The following PLCL2 variants were observed in gnomAD, a reference collection of about 807,000 sequenced individuals.
The protein encoded by PLCL2 is inactive phospholipase C-like protein 2.
Under a neutral mutation model 79.6 loss-of-function variants are expected in PLCL2, and 4 were observed. The observed-to-expected ratio is 0.05, with a 90% CI of 0.02 to 0.11. The LOEUF is 0.11. PLCL2 is among the 10% of genes least tolerant of loss of function. PLCL2 has a pLI of 1.00. For missense variants in PLCL2, 895 were observed against 1,291.0 expected (o/e 0.69, Z 4.70); for synonymous variants, 484 against 457.7 (o/e 1.06, Z -0.73).
At chr3:16,916,363 C>T (rs534859074) in intron 1 of PLCL2, among the ~76,000 whole-genome samples, 1 of 152,182 alleles carries the variant, frequency 6.6e-6, no homozygotes, top group South Asian at 2.1e-4. Context: ...GTGAATTAGT[C>T]CCTGCATCTA....
intron 1 of PLCL2, among the ~76,000 whole-genome samples, chr3:16,996,344 C>T (rs76538807): frequency 0.033 from 5,057 of 152,060 alleles, 144 homozygotes; most frequent in Middle Eastern, 0.086. Context: ...GGACTCAGGG[C>T]CTTCCTACCC....
chr3:16,936,349 G>A (rs1160928736), intron 1 of PLCL2, among the ~76,000 whole-genome samples: 1 of 152,142 alleles, frequency 6.6e-6, no homozygotes, highest in Non-Finnish European at 1.5e-5. Flanking sequence ...TGGCTGTGTT[G>A]TCCACATTAG....
chr3:16,907,311 C>T (rs1696774077), intron 1 of PLCL2, among the ~76,000 whole-genome samples: 1 of 152,146 alleles, frequency 6.6e-6, no homozygotes, highest in African/African-American at 2.4e-5. Context: ...CTTGGGTAGG[C>T]TTATCACCTA....
intron 1 of PLCL2, among the ~76,000 whole-genome samples, chr3:16,924,784 T>C (rs1697206074): frequency 6.6e-6 from 1 of 152,194 alleles, no homozygotes; most frequent in South Asian, 2.1e-4. Context: ...TTGTTCAGTA[T>C]AAGTCAGTGA....
At chr3:17,037,130 T>A (rs1263273442) in intron 3 of PLCL2, among the ~76,000 whole-genome samples, 1 of 152,218 alleles carries the variant, frequency 6.6e-6, no homozygotes, top group African/African-American at 2.4e-5. Context: ...TCTGAAAACC[T>A]TATCCATGAT....
At chr3:16,979,813 C>T (rs1406688261) in intron 1 of PLCL2, among the ~76,000 whole-genome samples, 6 of 149,712 alleles carry the variant, frequency 4.0e-5, no homozygotes, top group Non-Finnish European at 8.9e-5. Context: ...TCCACAAAAC[C>T]GCCATTGTCA....
intron 1 of PLCL2, among the ~76,000 whole-genome samples, chr3:16,960,579 GT>G (rs5846947): frequency 0.58 from 88,353 of 151,896 alleles, 25,939 homozygotes; most frequent in African/African-American, 0.65. Context: ...TTTTAGTTAC[GT>G]TAAGTCCTTC....
intron 1 of PLCL2, among the ~76,000 whole-genome samples, chr3:16,999,125 T>C (rs1039339808): frequency 1.3e-5 from 2 of 152,226 alleles, no homozygotes; most frequent in African/African-American, 4.8e-5. Context: ...TTTAATTAAA[T>C]TGATGGGCTT....
At chr3:17,085,371 C>T (rs2065207160) in intron 5 of PLCL2, among the ~76,000 whole-genome samples, 1 of 152,076 alleles carries the variant, frequency 6.6e-6, no homozygotes, top group Middle Eastern at 3.2e-3. Context: ...TCCTGAGGCT[C>T]AAGCCTTAGC....
intron 1 of PLCL2, among the ~76,000 whole-genome samples, chr3:16,952,360 CAAAAAAAAAAAAAA>C (rs35421244): frequency 3.1e-4 from 7 of 22,622 alleles, no homozygotes; most frequent in East Asian, 1.6e-3. Context: ...GAACTTAAAG[CAAAAAAAAAAAAAA>C]AAAAAAAAAA....
intron 1 of PLCL2, among the ~76,000 whole-genome samples, chr3:16,897,305 A>G (rs1206799375): frequency 6.6e-6 from 1 of 151,798 alleles, no homozygotes; most frequent in Non-Finnish European, 1.5e-5. Flanking sequence ...GTCAATTAAA[A>G]AAAAAAAAGG....
chr3:17,073,197 A>G (rs1271773053), intron 5 of PLCL2, among the ~76,000 whole-genome samples: 1 of 152,222 alleles, frequency 6.6e-6, no homozygotes, highest in Non-Finnish European at 1.5e-5. Flanking sequence ...CGTACCTTGG[A>G]GACTGCTTGA....
intron 1 of PLCL2, among the ~76,000 whole-genome samples, chr3:16,958,775 A>T (rs1488903104): frequency 6.6e-6 from 1 of 152,166 alleles, no homozygotes; most frequent in Non-Finnish European, 1.5e-5. Context: ...TATTTGTTTA[A>T]TAAACTGTTG....
chr3:17,081,701 C>T (rs1231554157), intron 5 of PLCL2, among the ~76,000 whole-genome samples: 1 of 152,214 alleles, frequency 6.6e-6, no homozygotes, highest in Non-Finnish European at 1.5e-5. Flanking sequence ...GAGCTGCCAT[C>T]ATTCTTTTCC....
At chr3:16,905,930 A>G (rs1696742064) in intron 1 of PLCL2, among the ~76,000 whole-genome samples, 1 of 152,210 alleles carries the variant, frequency 6.6e-6, no homozygotes, top group South Asian at 2.1e-4. Context: ...CCAGGGCACC[A>G]TTAACCATCT....
At chr3:17,031,758 A>G (rs188935624) in intron 3 of PLCL2, among the ~76,000 whole-genome samples, 1 of 152,278 alleles carries the variant, frequency 6.6e-6, no homozygotes, top group Admixed American at 6.5e-5. Context: ...AAGTAAAAGG[A>G]TTATTATCAT....
chr3:16,937,469 T>C (rs980494005), intron 1 of PLCL2, among the ~76,000 whole-genome samples: 9 of 152,158 alleles, frequency 5.9e-5, no homozygotes, highest in Non-Finnish European at 1.0e-4. Flanking sequence ...TCAGTTATGG[T>C]TGTTAAATTT....
chr3:16,936,244 T>C (rs1292014809), intron 1 of PLCL2, among the ~76,000 whole-genome samples: 1 of 152,240 alleles, frequency 6.6e-6, no homozygotes, highest in East Asian at 1.9e-4. Context: ...CTAATGGAAA[T>C]TTTTTGTTTT....
rs1227538007 is a variant in PLCL2 at position 16,968,119 on chromosome 3, T to C, written c.328-41555T>C. ...GGCTCCATCCCATTCCATTGATCCA[T>C]GTGTCTCAAGACAGCCAGTACCATG... On this transcript the variant is annotated intron_variant, in intron 1 of 5. Transcript: ENST00000615277. 2.2e-4 allele frequency among the ~76,000 whole-genome samples: 34 copies of C among 152,066 alleles called. 1 individual carries two copies. The highest frequency in any genetic ancestry group is 4.4e-5 in the Non-Finnish European group (3 of 67,982).
Sources: allele counts gnomAD v4.1 joint callset (sites outside exome capture counted in the v4.1 genomes callset), GRCh38; gene constraint gnomAD v4.1.1; transcripts MANE v1.5; gene names NCBI Gene and HGNC (gene_info 2026-07-23, HGNC 2026-07-21).